GXYLT1: variants seen among roughly 807,000 people sequenced by gnomAD.
GXYLT1 encodes the protein glucoside xylosyltransferase 1.
GXYLT1 carries 29 observed loss-of-function variants against 54.0 expected under a neutral mutation model. The observed-to-expected ratio is 0.54, with a 90% CI of 0.40 to 0.73. GXYLT1 has a LOEUF of 0.73. GXYLT1 is among the 30% of genes least tolerant of loss of function. The pLI, the probability that GXYLT1 is intolerant of heterozygous loss-of-function variation, is 0.00. For missense variants in GXYLT1, 490 were observed against 553.4 expected (o/e 0.89, Z 1.15); for synonymous variants, 176 against 204.1 (o/e 0.86, Z 1.17).
chr12:42,099,978 T>C (rs1299665359), intron 5 of GXYLT1, among the ~76,000 whole-genome samples: 2 of 152,226 alleles, frequency 1.3e-5, no homozygotes, highest in Non-Finnish European at 2.9e-5. Context: ...ATACTAATAA[T>C]CTATCAATTT....
At chr12:42,126,903 A>G (rs2065565862) in intron 2 of GXYLT1, among the ~76,000 whole-genome samples, 1 of 151,848 alleles carries the variant, frequency 6.6e-6, no homozygotes, top group Non-Finnish European at 1.5e-5. Context: ...AAAAAAATTC[A>G]AGATTAGTCT....
rs201324414 is a variant in GXYLT1 at position 42,109,523 on chromosome 12, T to A, written c.612+43A>T. On this transcript the variant is annotated intron_variant, in intron 4 of 7. Transcript: ENST00000398675. ...CATGTGTAAAAGTAAGGTTCAAATT[T>A]AAAAAAAAAAAAAAAAAAAAGACAC... 4,575 of 1,131,108 alleles carry A rather than the reference T, an allele frequency of 4.0e-3. 57 individuals carry two copies. The East Asian group carries it at 0.058, about 14-fold the overall frequency. The allele number at this position is 1,131,108 out of a possible 1,614,324, so 70.1% of individuals were successfully genotyped here.
At chr12:42,096,104 A>C (rs902637962) in intron 7 of GXYLT1, among the ~76,000 whole-genome samples, 3 of 152,206 alleles carry the variant, frequency 2.0e-5, no homozygotes, top group Non-Finnish European at 4.4e-5. Flanking sequence ...AGAGTAGAAG[A>C]AAGGAAGAGC....
At chr12:42,112,659 GTC>G (rs2065465750) in intron 3 of GXYLT1, among the ~76,000 whole-genome samples, 1 of 152,144 alleles carries the variant, frequency 6.6e-6, no homozygotes, top group African/African-American at 2.4e-5. Flanking sequence ...CCAAATCTAC[GTC>G]TGATTGGTGT....
At chr12:42,091,886 C>T (rs1467842662) in intron 7 of GXYLT1, among the ~76,000 whole-genome samples, 1 of 152,214 alleles carries the variant, frequency 6.6e-6, no homozygotes, top group Non-Finnish European at 1.5e-5. Context: ...TGACTTTCAT[C>T]CATCACTCCA....
intron 5 of GXYLT1, among the ~76,000 whole-genome samples, chr12:42,105,107 G>GC (rs1258745238): frequency 6.6e-6 from 1 of 152,194 alleles, no homozygotes; most frequent in Non-Finnish European, 1.5e-5. Flanking sequence ...TACACAGAAA[G>GC]CCAGTCTGAT....
At chr12:42,104,639 T>C (rs2065409058) in intron 5 of GXYLT1, among the ~76,000 whole-genome samples, 2 of 151,740 alleles carry the variant, frequency 1.3e-5, no homozygotes, top group African/African-American at 2.4e-5. Context: ...GACTGAAGTG[T>C]TGGCACATGG....
intron 2 of GXYLT1, among the ~76,000 whole-genome samples, chr12:42,122,480 T>C (rs1039811405): frequency 5.9e-5 from 9 of 151,956 alleles, no homozygotes; most frequent in Non-Finnish European, 1.2e-4. Flanking sequence ...GTCCCAGCTA[T>C]TCGAGAGGCT....
chr12:42,097,906 T>A lies in GXYLT1; in HGVS notation c.988+4A>T. ...ATGCAAATAAAAGGAATTTAAATAATTACCTGGATTATGAAAAAACACGAT... is the reference window on the plus strand; with the variant it reads ...ATGCAAATAAAAGGAATTTAAATAAATACCTGGATTATGAAAAAACACGAT... On this transcript the variant is annotated splice_donor_region_variant and intron_variant, in intron 6 of 7. Transcript: ENST00000398675. 6.4e-7 allele frequency: 1 copy of A among 1,569,526 alleles called. No individual in the cohort carries two copies. Among genetic ancestry groups the A allele is most frequent in the Non-Finnish European group, 8.7e-7 (1 of 1,152,088 alleles).
intron 3 of GXYLT1, among the ~76,000 whole-genome samples, chr12:42,110,873 A>C (rs1380271979): frequency 6.6e-6 from 1 of 152,232 alleles, no homozygotes; most frequent in Non-Finnish European, 1.5e-5. Flanking sequence ...TGTTCCATAA[A>C]ATATTTGATA....
chr12:42,129,580 AGTAT>A (rs946403630), intron 2 of GXYLT1, among the ~76,000 whole-genome samples, 175 bp downstream of exon 2: 3 of 152,232 alleles, frequency 2.0e-5, no homozygotes, highest in Admixed American at 6.5e-5. Context: ...ATTTATACAC[AGTAT>A]GTACTAAAAA....
chr12:42,121,962 A>C (rs1234309317), intron 2 of GXYLT1, among the ~76,000 whole-genome samples: 2 of 152,194 alleles, frequency 1.3e-5, no homozygotes, highest in Non-Finnish European at 1.5e-5. Context: ...GTAAGCTTCT[A>C]TATGATAGGA....
chr12:42,111,153 G>A (rs866177194), intron 3 of GXYLT1, among the ~76,000 whole-genome samples: 1 of 152,198 alleles, frequency 6.6e-6, no homozygotes, highest in South Asian at 2.1e-4. Flanking sequence ...CCAGGGAGGA[G>A]CCAAGATGGC....
intron 1 of GXYLT1, among the ~76,000 whole-genome samples, chr12:42,142,447 C>T (rs1186377045): frequency 1.3e-5 from 2 of 151,974 alleles, no homozygotes; most frequent in African/African-American, 4.8e-5. Flanking sequence ...AGTGATCCTC[C>T]CACCTTAGCC....
chr12:42,144,457 CCGCGACGCCGGCGCCTCT>C lies in GXYLT1; in HGVS notation c.172_189del (p.Arg58_Ala63del), dbSNP rs780996640. The C allele has an allele frequency of 1.5e-4, 190 of 1,277,648 alleles. 1 individual carries two copies. Among genetic ancestry groups the C allele is most frequent in the Middle Eastern group, 1.5e-3 (5 of 3,430 alleles). 79.1% of individuals were successfully genotyped at this position (1,277,648 alleles called of 1,614,324 possible). A position where few individuals can be genotyped will look rare whatever the true frequency, so the allele number is the denominator to read the frequency against. ...GACACGCCGGGATGCGCTGCGGGGC[CCGCGACGCCGGCGCCTCT>C]CACGGCGCCGCGTCCGCCGCCCGCG... On this transcript the variant is annotated inframe_deletion, in exon 1 of 8. Coordinates refer to ENST00000398675, the MANE Select transcript of GXYLT1 (RefSeq NM_173601.2).
intron 3 of GXYLT1, 58 bp from the exon 4 acceptor site, chr12:42,109,749 A>G: frequency 9.0e-7 from 1 of 1,108,494 alleles, no homozygotes. Context: ...CTGTAAAATC[A>G]TAAAACAACA....
intron 1 of GXYLT1, among the ~76,000 whole-genome samples, chr12:42,140,631 TCAGTATATAACA>T (rs2065647274): frequency 6.6e-6 from 1 of 152,210 alleles, no homozygotes; most frequent in Non-Finnish European, 1.5e-5. Flanking sequence ...CTTTAAGTTC[TCAGTATATAACA>T]CTAGTATTCC....
At chr12:42,108,922 T>C (rs1323120001) in intron 4 of GXYLT1, among the ~76,000 whole-genome samples, 1 of 152,128 alleles carries the variant, frequency 6.6e-6, no homozygotes, top group Non-Finnish European at 1.5e-5. Flanking sequence ...TCTAAACAAC[T>C]ACTGTGAATT....
chr12:42,102,065 A>G (rs1206513436), intron 5 of GXYLT1, among the ~76,000 whole-genome samples: 2 of 152,214 alleles, frequency 1.3e-5, no homozygotes, highest in Non-Finnish European at 2.9e-5. Context: ...TGTAGTTCTA[A>G]TTTTACAAAA....
Sources: gnomAD v4.1 joint callset for allele counts (sites outside exome capture counted in the v4.1 genomes callset) on GRCh38, gnomAD v4.1.1 for gene constraint, MANE v1.5 for transcripts, NCBI Gene and HGNC (gene_info 2026-07-23, HGNC 2026-07-21) for gene names.